LRRC4C: variants seen among roughly 807,000 people sequenced by gnomAD.
LRRC4C encodes leucine rich repeat containing 4C.
Under a neutral mutation model 33.6 loss-of-function variants are expected in LRRC4C, and 5 were observed. That is an observed-to-expected ratio of 0.15 (90% CI 0.08 to 0.31). The LOEUF (loss-of-function observed/expected upper bound fraction) is 0.31. Ranked by LOEUF, LRRC4C falls within the 10% of genes least tolerant of loss-of-function variation. LRRC4C has a pLI of 1.00. For missense variants in LRRC4C, 560 were observed against 796.7 expected, an observed-to-expected ratio of 0.70 and a Z score of 3.58; for synonymous variants, 329 against 302.0, an observed-to-expected ratio of 1.09 and a Z score of -0.93.
chr11:40,848,950 A>G (rs1040767463), intron 2 of LRRC4C, among the ~76,000 whole-genome samples: 4 of 152,252 alleles, frequency 2.6e-5, no homozygotes, highest in Admixed American at 1.3e-4. Flanking sequence ...CTGTTTTAGC[A>G]GAGACTAGGA....
chr11:40,423,856 T>C (rs1329016336), intron 3 of LRRC4C, among the ~76,000 whole-genome samples: 1 of 152,224 alleles, frequency 6.6e-6, no homozygotes, highest in Non-Finnish European at 1.5e-5. Flanking sequence ...ATCTATTAGT[T>C]ATTTGGAATA....
At chr11:40,352,793 GT>G (rs35555945) in intron 3 of LRRC4C, among the ~76,000 whole-genome samples, 44,449 of 151,924 alleles carry the variant, frequency 0.29, 6,874 homozygotes, top group East Asian at 0.5. Context: ...CTCAGCTCTT[GT>G]TTGCCTGAGA....
intron 1 of LRRC4C, among the ~76,000 whole-genome samples, chr11:41,101,281 A>G (rs1941160867): frequency 6.6e-6 from 1 of 152,300 alleles, no homozygotes; most frequent in East Asian, 1.9e-4. Context: ...AGCAAAGTCC[A>G]GCATCTATAA....
At chr11:40,381,828 T>C (rs980429754) in intron 3 of LRRC4C, among the ~76,000 whole-genome samples, 1 of 152,072 alleles carries the variant, frequency 6.6e-6, no homozygotes, top group Non-Finnish European at 1.5e-5. Context: ...GGCTTGCAAA[T>C]ATACATTCTT....
At chr11:40,651,440 A>G (rs1278600467) in intron 2 of LRRC4C, among the ~76,000 whole-genome samples, 3 of 152,174 alleles carry the variant, frequency 2.0e-5, no homozygotes, top group Non-Finnish European at 4.4e-5. Flanking sequence ...AAAGTAGAAT[A>G]AGTGATTGTC....
At chr11:40,204,285 G>C (rs1256874920) in intron 5 of LRRC4C, among the ~76,000 whole-genome samples, 4 of 152,032 alleles carry the variant, frequency 2.6e-5, no homozygotes, top group African/African-American at 9.7e-5. Flanking sequence ...CTTGACTTTT[G>C]GTTACAACAT....
At chr11:41,077,489 CT>C (rs1022371616) in intron 1 of LRRC4C, among the ~76,000 whole-genome samples, 5 of 152,226 alleles carry the variant, frequency 3.3e-5, no homozygotes, top group African/African-American at 1.2e-4. Context: ...CTTGTACCCC[CT>C]GGAGCAATGG....
chr11:41,445,474 G>A (rs1470000480), intron 1 of LRRC4C, among the ~76,000 whole-genome samples: 12 of 152,114 alleles, frequency 7.9e-5, no homozygotes, highest in Non-Finnish European at 1.5e-5. Flanking sequence ...GAGTCACTGG[G>A]AGACAAAAGG....
At chr11:41,441,483 C>A (rs190812973) in intron 1 of LRRC4C, among the ~76,000 whole-genome samples, 1 of 149,814 alleles carries the variant, frequency 6.7e-6, no homozygotes, top group Non-Finnish European at 1.5e-5. Flanking sequence ...TTACTTTCAA[C>A]GCTCTTTTTT....
intron 3 of LRRC4C, among the ~76,000 whole-genome samples, chr11:40,533,321 G>T (rs1210146716): frequency 6.6e-6 from 1 of 152,086 alleles, no homozygotes; most frequent in Non-Finnish European, 1.5e-5. Flanking sequence ...GATAACTTAT[G>T]TTCCCTGAAT....
chr11:41,212,118 G>A (rs1374011310), intron 1 of LRRC4C, among the ~76,000 whole-genome samples: 1 of 152,176 alleles, frequency 6.6e-6, no homozygotes, highest in Non-Finnish European at 1.5e-5. Flanking sequence ...GAAGTTATAA[G>A]GTCCTGGCAT....
chr11:40,193,224 G>C (rs2135637163), intron 5 of LRRC4C, among the ~76,000 whole-genome samples: 1 of 152,242 alleles, frequency 6.6e-6, no homozygotes, highest in South Asian at 2.1e-4. Context: ...CATCTGGTGG[G>C]TGCCCCTCTG....
chr11:41,118,908 T>A (rs1324381192), intron 1 of LRRC4C, among the ~76,000 whole-genome samples: 2 of 151,398 alleles, frequency 1.3e-5, no homozygotes, highest in Admixed American at 6.6e-5. Context: ...CCTTTTCTTA[T>A]CTTTTTTTTT....
chr11:41,002,581 A>C (rs1854464551), intron 1 of LRRC4C, among the ~76,000 whole-genome samples: 1 of 152,214 alleles, frequency 6.6e-6, no homozygotes, highest in South Asian at 2.1e-4. Flanking sequence ...GAAAGAGCTA[A>C]AAATCACCAA....
chr11:40,416,737 A>C (rs932384820), intron 3 of LRRC4C, among the ~76,000 whole-genome samples: 1 of 152,204 alleles, frequency 6.6e-6, no homozygotes, highest in African/African-American at 2.4e-5. Context: ...GAAAATAGGG[A>C]ATTAAGAAAT....
intron 3 of LRRC4C, among the ~76,000 whole-genome samples, chr11:40,542,989 G>A (rs570258384): frequency 9.9e-5 from 15 of 152,150 alleles, no homozygotes; most frequent in East Asian, 1.9e-4. Flanking sequence ...GTTGTAAATC[G>A]AATCTTTCAA....
intron 1 of LRRC4C, among the ~76,000 whole-genome samples, chr11:41,254,798 C>T (rs540727240): frequency 6.6e-6 from 1 of 152,096 alleles, no homozygotes; most frequent in South Asian, 2.1e-4. Context: ...AATGGCAAAG[C>T]TTTTTAATTT....
chr11:41,448,428 C>G (rs573451727), intron 1 of LRRC4C, among the ~76,000 whole-genome samples: 1 of 151,296 alleles, frequency 6.6e-6, no homozygotes, highest in South Asian at 2.1e-4. Context: ...GCCTCAGCCT[C>G]CTGAGTAGCC....
intron 5 of LRRC4C, among the ~76,000 whole-genome samples, chr11:40,216,806 G>T (rs1463085491): frequency 6.6e-6 from 1 of 152,138 alleles, no homozygotes; most frequent in Non-Finnish European, 1.5e-5. Flanking sequence ...CAGAGTCATG[G>T]AAGACCGCAA....
Sources: allele counts gnomAD v4.1 joint callset (sites outside exome capture counted in the v4.1 genomes callset), GRCh38; gene constraint gnomAD v4.1.1; transcripts MANE v1.5; gene names NCBI Gene and HGNC (gene_info 2026-07-23, HGNC 2026-07-21).